The following PBX4 variants were observed in gnomAD, a reference collection of about 807,000 sequenced individuals.
The protein encoded by PBX4 is pre-B-cell leukemia transcription factor 4.
PBX4 carries 26 observed loss-of-function variants against 35.1 expected under a neutral mutation model. The observed-to-expected ratio is 0.74, with a 90% CI of 0.54 to 1.03. The LOEUF (loss-of-function observed/expected upper bound fraction) is 1.03. PBX4 is among the 50% of genes least tolerant of loss of function. PBX4 has a pLI of 0.00. For missense variants in PBX4, 448 were observed against 504.3 expected (o/e 0.89, Z 1.07); for synonymous variants, 199 against 204.2 (o/e 0.97, Z 0.22).
intron 2 of PBX4, among the ~76,000 whole-genome samples, chr19:19,586,177 G>A: frequency 6.6e-6 from 1 of 152,128 alleles, no homozygotes; most frequent in East Asian, 1.9e-4. Flanking sequence ...ACTTTGAGGG[G>A]CTGAGACGGG....
At chr19:19,597,029 T>C (rs990429511) in intron 2 of PBX4, among the ~76,000 whole-genome samples, 2 of 151,378 alleles carry the variant, frequency 1.3e-5, no homozygotes, top group Admixed American at 1.3e-4. Flanking sequence ...CTGGCCAACA[T>C]GGTGAAACCC....
chr19:19,570,769 G>A lies in PBX4; in HGVS notation c.258C>T (p.Asn86=). 1 of 1,614,104 alleles carries A rather than the reference G, an allele frequency of 6.2e-7. No individual in the cohort carries two copies. Among genetic ancestry groups the A allele is most frequent in the South Asian group, 1.1e-5 (1 of 91,076 alleles). The change falls in exon 3 of 8, where the codon AAC becomes AAT. Residue 86 remains asparagine, a synonymous_variant. Transcript: ENST00000251203. ...PPDAQLLRLD[N]MLLAEGVCRP... is the part of the protein sequence containing the mutation. ...TGCACACGCCCTCAGCCAGCAGCAT[G>A]TTATCCAGCCTCAGGAGCTGGGCGT...
At chr19:19,599,186 C>A in intron 2 of PBX4, 106 bp downstream of exon 2, 1 of 928,688 alleles carries the variant, frequency 1.1e-6, no homozygotes, top group South Asian at 1.4e-5. Context: ...TCAGGCTGGT[C>A]TGGAATCCAG....
chr19:19,599,031 C>T (rs994857313), intron 2 of PBX4, among the ~76,000 whole-genome samples: 6 of 150,996 alleles, frequency 4.0e-5, no homozygotes, highest in Non-Finnish European at 7.4e-5. Context: ...TGCAATGGCG[C>T]GATCTTGGCT....
chr19:19,592,100 C>A (rs751132854), intron 2 of PBX4, among the ~76,000 whole-genome samples: 9 of 152,090 alleles, frequency 5.9e-5, no homozygotes, highest in Non-Finnish European at 1.2e-4. Context: ...CCAGGCTGGT[C>A]TCGAACTCCT....
intron 2 of PBX4, among the ~76,000 whole-genome samples, chr19:19,590,688 C>T (rs2061522919): frequency 6.6e-6 from 1 of 152,056 alleles, no homozygotes; most frequent in Non-Finnish European, 1.5e-5. Context: ...AGGCTGGTCT[C>T]GAACCCCTGA....
At chr19:19,589,459 CAAAGAAAAAG>C (rs1034693147) in intron 2 of PBX4, among the ~76,000 whole-genome samples, 1 of 150,436 alleles carries the variant, frequency 6.6e-6, no homozygotes, top group African/African-American at 2.4e-5. Context: ...TAACTAAAGA[CAAAGAAAAAG>C]AAAGAAAAAA....
At chr19:19,580,959 C>T (rs893471064) in intron 2 of PBX4, among the ~76,000 whole-genome samples, 2 of 152,196 alleles carry the variant, frequency 1.3e-5, no homozygotes, top group Admixed American at 6.5e-5. Context: ...TCTTGAACCC[C>T]TGGATTCAAG....
intron 2 of PBX4, among the ~76,000 whole-genome samples, chr19:19,580,563 T>C (rs1029855549): frequency 6.6e-6 from 1 of 152,208 alleles, no homozygotes; most frequent in Non-Finnish European, 1.5e-5. Context: ...CTCCAGCTTA[T>C]CTTGTAGTCA....
intron 2 of PBX4, among the ~76,000 whole-genome samples, chr19:19,596,252 G>A (rs1407947150): frequency 1.3e-5 from 2 of 151,900 alleles, no homozygotes; most frequent in African/African-American, 2.4e-5. Flanking sequence ...TTAGCCAGGC[G>A]TGGTGGTGCA....
chr19:19,566,100 C>A (rs750285978), intron 5 of PBX4, among the ~76,000 whole-genome samples: 3 of 151,952 alleles, frequency 2.0e-5, no homozygotes, highest in Non-Finnish European at 2.9e-5. Context: ...CAGCTGTTAT[C>A]GTCCCTGCTG....
In PBX4 at chr19:19,563,449, C is replaced by T. The variant is rs148300011; in HGVS notation, c.1032+60G>A. The stretch of plus-strand genomic sequence containing the variant: ...CAAGGCCGAGGGGTGGCTGACAAGA[C>T]GACCCTTTCTGAGAACCTACCACCC... On this transcript the variant is annotated intron_variant, in intron 7 of 7. Transcript: ENST00000251203. This position sits in a 1 kb window ranked among gnomAD's most constrained non-coding sequence, Gnocchi z 5.1. The T allele has an allele frequency of 4.4e-4, 598 of 1,359,528 alleles. 4 individuals carry two copies. In the African/African-American group the frequency reaches 7.8e-3, roughly 18 times the overall value. The allele number at this position is 1,359,528 out of a possible 1,614,324, so 84.2% of individuals were successfully genotyped here.
chr19:19,570,543 T>A, intron 3 of PBX4, 43 bp downstream of exon 3: 1 of 1,603,764 alleles, frequency 6.2e-7, no homozygotes, highest in Non-Finnish European at 8.5e-7. Context: ...CTTTGACAAA[T>A]GCGCATTCAC....
intron 1 of PBX4, among the ~76,000 whole-genome samples, chr19:19,610,616 T>C (rs2144791305): frequency 6.6e-6 from 1 of 151,736 alleles, no homozygotes; most frequent in South Asian, 2.1e-4. Context: ...CCGGGTGTGG[T>C]GGCTGGCGCA....
Position 19,593,332 on chromosome 19 carries a change from G to A in PBX4, c.193+5960C>T, listed in dbSNP as rs369371917. ...AAATCGAGAAGCACGCCAGGACCCCGGCTCATGGGATTGCCCTTCAAGAGG... is the reference window on the plus strand; with the variant it reads ...AAATCGAGAAGCACGCCAGGACCCCAGCTCATGGGATTGCCCTTCAAGAGG... On this transcript the variant is annotated intron_variant, in intron 2 of 7. Transcript: ENST00000251203. Among the ~76,000 whole-genome samples the A allele has an allele frequency of 1.1e-4, 17 of 152,316 alleles. No homozygotes were observed. In the East Asian group the frequency reaches 1.7e-3, roughly 16 times the overall value.
chr19:19,582,924 C>T (rs984492418), intron 2 of PBX4, among the ~76,000 whole-genome samples: 1 of 152,228 alleles, frequency 6.6e-6, no homozygotes, highest in Admixed American at 6.5e-5. Flanking sequence ...TGAGCCACAT[C>T]CGTCACACAC....
At chr19:19,581,712 C>T (rs1600414862) in intron 2 of PBX4, among the ~76,000 whole-genome samples, 2 of 152,262 alleles carry the variant, frequency 1.3e-5, no homozygotes, top group East Asian at 3.9e-4. Flanking sequence ...GGGAAGCAGG[C>T]CTGTCCAACC....
At position 19,563,450 on chromosome 19, in the gene PBX4, G is replaced by A. The variant is rs913453820; in HGVS notation, c.1032+59C>T. 26 of 1,362,856 alleles carry A rather than the reference G, an allele frequency of 1.9e-5. No homozygotes were observed. The highest frequency in any genetic ancestry group is 7.3e-5 in the African/African-American group (5 of 68,406). The allele number at this position is 1,362,856 out of a possible 1,614,324, so 84.4% of individuals were successfully genotyped here. A position where few individuals can be genotyped will look rare whatever the true frequency, so the allele number is the denominator to read the frequency against. On this transcript the variant is annotated intron_variant, in intron 7 of 7. Coordinates refer to ENST00000251203, the MANE Select transcript of PBX4 (RefSeq NM_025245.3). This position sits in a 1 kb window ranked among gnomAD's most constrained non-coding sequence, Gnocchi z 5.1. Reference sequence around the variant, plus strand: ...AAGGCCGAGGGGTGGCTGACAAGACGACCCTTTCTGAGAACCTACCACCCA... The same window carrying A: ...AAGGCCGAGGGGTGGCTGACAAGACAACCCTTTCTGAGAACCTACCACCCA...
At chr19:19,584,531 C>A (rs1218002470) in intron 2 of PBX4, among the ~76,000 whole-genome samples, 4 of 152,006 alleles carry the variant, frequency 2.6e-5, no homozygotes, top group Non-Finnish European at 5.9e-5. Flanking sequence ...CTGGAGTAAC[C>A]CAGAGAGTCA....
Sources: allele counts gnomAD v4.1 joint callset (sites outside exome capture counted in the v4.1 genomes callset), GRCh38; gene constraint gnomAD v4.1.1; non-coding constraint Gnocchi (gnomAD v3.1); transcripts MANE v1.5; gene names NCBI Gene and HGNC (gene_info 2026-07-23, HGNC 2026-07-21).